The following CDH11 variants were observed in gnomAD, a reference collection of about 807,000 sequenced individuals.
The protein encoded by CDH11 is cadherin-11.
Under a neutral mutation model 67.8 loss-of-function variants are expected in CDH11, and 11 were observed. The observed-to-expected ratio is 0.16, with a 90% CI of 0.10 to 0.27. CDH11 has a LOEUF of 0.27. Among genes scored for constraint, CDH11 ranks in the 10% least tolerant of loss-of-function variants. The pLI is 1.00. For missense variants in CDH11, 847 were observed against 1,031.2 expected, an observed-to-expected ratio of 0.82 and a Z score of 2.45; for synonymous variants, 419 against 400.0, an observed-to-expected ratio of 1.05 and a Z score of -0.57.
intron 1 of CDH11, among the ~76,000 whole-genome samples, chr16:65,098,853 G>A (rs930291296): frequency 5.3e-5 from 8 of 152,132 alleles, no homozygotes; most frequent in South Asian, 2.1e-4. Context: ...TGGTGTGTGT[G>A]GGGGAGGTGG....
chr16:64,966,441 A>T (rs1355069180), intron 11 of CDH11, among the ~76,000 whole-genome samples: 2 of 67,376 alleles, frequency 3.0e-5, no homozygotes, highest in African/African-American at 6.1e-5. Context: ...AATAAAAATA[A>T]TGCGGAGAAA....
At chr16:64,972,503 A>G (rs1361660054) in intron 9 of CDH11, among the ~76,000 whole-genome samples, 1 of 152,174 alleles carries the variant, frequency 6.6e-6, no homozygotes, top group African/African-American at 2.4e-5. Flanking sequence ...ATCAAGCTTG[A>G]TGACTGATCA....
chr16:65,044,265 C>A (rs1192573219), intron 2 of CDH11, among the ~76,000 whole-genome samples: 1 of 152,136 alleles, frequency 6.6e-6, no homozygotes, highest in Non-Finnish European at 1.5e-5. Context: ...AACTTGAAGA[C>A]AACTAATTGG....
chr16:64,981,951 T>A, intron 8 of CDH11, 97 bp downstream of exon 8: 1 of 1,113,818 alleles, frequency 9.0e-7, no homozygotes, highest in Non-Finnish European at 1.3e-6. Flanking sequence ...ACTTGAACCC[T>A]TTTTGAAATT....
rs532806964 is a variant in CDH11 at position 64,962,021 on chromosome 16, G to T, written c.1642+9558C>A. On this transcript the variant is annotated intron_variant, in intron 11 of 12. Coordinates refer to ENST00000268603, the MANE Select transcript of CDH11 (RefSeq NM_001797.4). ...AAGTAAACCAAGAATGGCCATTACTGTTGTTATGATATAGCACATATTTGA... is the reference window on the plus strand; with the variant it reads ...AAGTAAACCAAGAATGGCCATTACTTTTGTTATGATATAGCACATATTTGA... 1.2e-3 allele frequency among the ~76,000 whole-genome samples: 183 copies of T among 152,216 alleles called. 1 individual carries two copies. The highest frequency in any genetic ancestry group is 2.1e-3 in the Non-Finnish European group (145 of 67,998).
chr16:65,101,604 G>T (rs868275382), intron 1 of CDH11, among the ~76,000 whole-genome samples: 4 of 151,096 alleles, frequency 2.6e-5, no homozygotes, highest in Non-Finnish European at 5.9e-5. Flanking sequence ...CCCTATTATG[G>T]TAAATACCAA....
intron 8 of CDH11, among the ~76,000 whole-genome samples, chr16:64,980,426 G>A (rs2072301897): frequency 6.6e-6 from 1 of 152,140 alleles, no homozygotes; most frequent in Non-Finnish European, 1.5e-5. Context: ...GAGGTAGGGA[G>A]GAGCAAGAGG....
At chr16:65,076,851 C>A (rs766153804) in intron 1 of CDH11, among the ~76,000 whole-genome samples, 1 of 152,248 alleles carries the variant, frequency 6.6e-6, no homozygotes, top group African/African-American at 2.4e-5. Flanking sequence ...CTGCAAGAGA[C>A]AAGAACTCAT....
At chr16:65,122,614 C>G (rs1268521986), upstream of CDH11, among the ~76,000 whole-genome samples, 2 of 152,186 alleles carry the variant, frequency 1.3e-5, no homozygotes, top group Admixed American at 6.5e-5. Flanking sequence ...TTCCAAAAAT[C>G]CCTCAACGTT....
chr16:65,036,702 T>C (rs904152406), intron 2 of CDH11, among the ~76,000 whole-genome samples: 4 of 152,066 alleles, frequency 2.6e-5, no homozygotes, highest in African/African-American at 9.7e-5. Flanking sequence ...TCTAAAATGA[T>C]CCAAAATGCA....
intron 2 of CDH11, among the ~76,000 whole-genome samples, chr16:65,025,038 G>A (rs2073503798): frequency 6.6e-6 from 1 of 152,216 alleles, no homozygotes; most frequent in African/African-American, 2.4e-5. Flanking sequence ...TCCAGCAGCA[G>A]GTTAGTGAAT....
At chr16:64,989,137 A>G (rs994728707) in intron 6 of CDH11, among the ~76,000 whole-genome samples, 1 of 152,162 alleles carries the variant, frequency 6.6e-6, no homozygotes, top group Admixed American at 6.5e-5. Flanking sequence ...TGTCACTGCA[A>G]TGAAAAAGGA....
rs1032976256 is a variant in CDH11, at chr16:64,972,943, T to C, written c.1351A>G (p.Thr451Ala). ...KTTKPLDREE[T>A]AWLNITVFAA... ...AAGACAGTGATGTTGAGCCAGGCTGTTTCCTCTCTATCCAGAGGTTTTGTA... is the reference window on the plus strand; with the variant it reads ...AAGACAGTGATGTTGAGCCAGGCTGCTTCCTCTCTATCCAGAGGTTTTGTA... Residue 451 changes from threonine (T) to alanine (A), a missense_variant, in exon 9 of 13, where the codon ACA (threonine) becomes GCA (alanine). By Grantham distance (58) the Thr-to-Ala change is moderately conservative (BLOSUM62 0). Around this residue, in one of 2 missense-constraint regions of CDH11, gnomAD observed 612 missense variants for 678.7 expected, o/e 0.90. Coordinates refer to ENST00000268603, the MANE Select transcript of CDH11 (RefSeq NM_001797.4). The C allele has an allele frequency of 5.0e-6, 8 of 1,613,796 alleles. No homozygotes were observed. In the Admixed American group the frequency reaches 1.2e-4, roughly 24 times the overall value.
chr16:64,968,484 A>G (rs1369341140), intron 11 of CDH11: 2 of 985,010 alleles, frequency 2.0e-6, no homozygotes, highest in Non-Finnish European at 2.4e-6. Context: ...CATTCCTGAT[A>G]TTAACAGCCC....
intron 11 of CDH11, among the ~76,000 whole-genome samples, chr16:64,963,605 C>T (rs957450077): frequency 2.0e-4 from 31 of 152,018 alleles, no homozygotes; most frequent in African/African-American, 6.0e-4. Context: ...GCTCAGAGAA[C>T]ATCAAGCTGT....
At chr16:65,050,029 T>C (rs1028596621) in intron 2 of CDH11, among the ~76,000 whole-genome samples, 2 of 152,082 alleles carry the variant, frequency 1.3e-5, no homozygotes, top group Non-Finnish European at 2.9e-5. Flanking sequence ...AAATGAAAGA[T>C]AACTGGGTGA....
intron 1 of CDH11, among the ~76,000 whole-genome samples, chr16:65,074,897 A>G (rs565443328): frequency 6.6e-6 from 1 of 152,314 alleles, no homozygotes; most frequent in South Asian, 2.1e-4. Context: ...GGTGGAAGAA[A>G]TGGTTAATAT....
chr16:65,104,142 A>G (rs1375358145), intron 1 of CDH11, among the ~76,000 whole-genome samples: 4 of 152,218 alleles, frequency 2.6e-5, no homozygotes, highest in Admixed American at 2.0e-4. Context: ...GTATGCAAAT[A>G]TGATTCCTGC....
upstream of CDH11, among the ~76,000 whole-genome samples, chr16:65,122,585 C>T (rs1463235635): frequency 6.6e-6 from 1 of 152,184 alleles, no homozygotes; most frequent in East Asian, 1.9e-4. Context: ...TCTATTCTTT[C>T]TCACTCCACC....
Sources: gnomAD v4.1 joint callset for allele counts (sites outside exome capture counted in the v4.1 genomes callset) on GRCh38, gnomAD v4.1.1 for gene constraint, gnomAD v4.1.1 regional missense constraint, MANE v1.5 for transcripts, NCBI Gene and HGNC (gene_info 2026-07-23, HGNC 2026-07-21) for gene names.